The following SLC7A5 variants were observed in gnomAD, a reference collection of about 807,000 sequenced individuals.
The protein encoded by SLC7A5 is large neutral amino acids transporter small subunit 1.
SLC7A5 carries 23 observed loss-of-function variants against 50.2 expected under a neutral mutation model. That is an observed-to-expected ratio of 0.46 (90% CI 0.33 to 0.65). The LOEUF is 0.65. Ranked by LOEUF, SLC7A5 falls within the 30% of genes least tolerant of loss-of-function variation. SLC7A5 has a pLI of 0.02. For missense variants in SLC7A5, 578 were observed against 684.4 expected, an observed-to-expected ratio of 0.84 and a Z score of 1.73; for synonymous variants, 393 against 330.6, an observed-to-expected ratio of 1.19 and a Z score of -2.05.
At chr16:87,838,631 A>C in intron 6 of SLC7A5, 83 bp downstream of exon 6, 1 of 1,082,008 alleles carries the variant, frequency 9.2e-7, no homozygotes, top group South Asian at 1.2e-5. Context: ...CACAGAGACA[A>C]ACCTTTTACA....
At chr16:87,843,752 T>C (rs1189805473) in intron 2 of SLC7A5, among the ~76,000 whole-genome samples, 1 of 152,042 alleles carries the variant, frequency 6.6e-6, no homozygotes, top group Non-Finnish European at 1.5e-5. Context: ...CTGCTGGATG[T>C]CCTGCAATGC....
In SLC7A5 at chr16:87,849,516, G is replaced by A. The variant is rs188517204; in HGVS notation, c.664+2208C>T. Among the ~76,000 whole-genome samples the A allele has an allele frequency of 5.9e-5, 9 of 152,256 alleles. No homozygotes were observed. The South Asian group carries it at 8.3e-4, about 14-fold the overall frequency. ...CGAAATTTGTTTTTACAAAAATCACGTTCCCCTCCTAAATCTTTCCTGGCT... is the reference window on the plus strand; with the variant it reads ...CGAAATTTGTTTTTACAAAAATCACATTCCCCTCCTAAATCTTTCCTGGCT... On this transcript the variant is annotated intron_variant, in intron 2 of 9. Coordinates refer to ENST00000261622, the MANE Select transcript of SLC7A5 (RefSeq NM_003486.7).
chr16:87,838,432 C>T (rs755189181), intron 6 of SLC7A5, among the ~76,000 whole-genome samples: 2 of 152,020 alleles, frequency 1.3e-5, no homozygotes, highest in Non-Finnish European at 2.9e-5. Flanking sequence ...GCTGGGACTA[C>T]GGGCACGTGC....
At chr16:87,865,544 G>A (rs2055449391) in intron 1 of SLC7A5, among the ~76,000 whole-genome samples, 1 of 151,796 alleles carries the variant, frequency 6.6e-6, no homozygotes, top group Non-Finnish European at 1.5e-5. Flanking sequence ...CCCCGTCTCT[G>A]CTAAAAATAC....
rs1469230712 is a variant in SLC7A5, at chr16:87,860,620, C to A, written c.538+8265G>T. 6.6e-6 allele frequency among the ~76,000 whole-genome samples: 1 copy of A among 152,202 alleles called. No homozygotes were observed. Among genetic ancestry groups the A allele is most frequent in the African/African-American group, 2.4e-5 (1 of 41,434 alleles). The stretch of plus-strand genomic sequence containing the variant: ...CAGGGCCTCCAGGCCTTGGTCCTCA[C>A]ATTTGACTCCGGATAAATCTCTTCA... On this transcript the variant is annotated intron_variant, in intron 1 of 9. Coordinates refer to ENST00000261622, the MANE Select transcript of SLC7A5 (RefSeq NM_003486.7). The surrounding 1 kb of genome is among the most constrained non-coding windows in gnomAD (Gnocchi z 4.8).
intron 6 of SLC7A5, among the ~76,000 whole-genome samples, chr16:87,838,291 CTT>C (rs58144270): frequency 4.2e-4 from 51 of 120,062 alleles, no homozygotes; most frequent in Admixed American, 2.3e-3. Flanking sequence ...TTGCTGCTGC[CTT>C]TTTTTTTTTT....
At position 87,853,685 on chromosome 16, in the gene SLC7A5, C is replaced by G. The variant is rs764281073; in HGVS notation, c.539-1836G>C. 1.3e-5 allele frequency among the ~76,000 whole-genome samples: 2 copies of G among 152,150 alleles called. No individual in the cohort carries two copies. The highest frequency in any genetic ancestry group is 2.9e-5 in the Non-Finnish European group (2 of 68,026). On this transcript the variant is annotated intron_variant, in intron 1 of 9. Coordinates refer to ENST00000261622, the MANE Select transcript of SLC7A5 (RefSeq NM_003486.7). The surrounding 1 kb of genome is among the most constrained non-coding windows in gnomAD (Gnocchi z 4.4). ...GAGCACGACCATAAAAGAAACTGAGCCTCGGGGACCTAGCCGGCTTCTGGA... is the reference window on the plus strand; with the variant it reads ...GAGCACGACCATAAAAGAAACTGAGGCTCGGGGACCTAGCCGGCTTCTGGA...
At chr16:87,855,031 C>T (rs1326847071) in intron 1 of SLC7A5, among the ~76,000 whole-genome samples, 1 of 152,244 alleles carries the variant, frequency 6.6e-6, no homozygotes, top group East Asian at 1.9e-4. Context: ...AGCGCCAGGG[C>T]CTTGGCCAGG....
intron 2 of SLC7A5, among the ~76,000 whole-genome samples, chr16:87,846,127 C>A (rs1260122458): frequency 6.6e-6 from 1 of 152,216 alleles, no homozygotes; most frequent in African/African-American, 2.4e-5. Context: ...AACGCCGCAG[C>A]CCTGGCTCCA....
rs1211748113 is a variant in SLC7A5, at chr16:87,852,640, G to C, written c.539-791C>G. ...GTAAGGCACCCAGCTCTGAGCCTCT[G>C]TGTGTGTGTGTGTGTGTGTGTGTGT... On this transcript the variant is annotated intron_variant, in intron 1 of 9. Coordinates refer to ENST00000261622, the MANE Select transcript of SLC7A5 (RefSeq NM_003486.7). This position sits in a 1 kb window ranked among gnomAD's most constrained non-coding sequence, Gnocchi z 4.5. 1.4e-5 allele frequency among the ~76,000 whole-genome samples: 1 copy of C among 71,816 alleles called. No individual in the cohort carries two copies. The highest frequency in any genetic ancestry group is 2.6e-5 in the Non-Finnish European group (1 of 38,104). 47.1% of individuals were successfully genotyped at this position (71,816 alleles called of 152,430 possible).
At chr16:87,843,405 G>A (rs1261208439) in intron 2 of SLC7A5, among the ~76,000 whole-genome samples, 4 of 69,804 alleles carry the variant, frequency 5.7e-5, no homozygotes, top group Non-Finnish European at 7.3e-5. Flanking sequence ...GTTCCACCAC[G>A]CTTGGCTAAT....
Position 87,838,711 on chromosome 16 carries a change from C to A in SLC7A5, c.1043+3G>T. On this transcript the variant is annotated splice_donor_region_variant and intron_variant, in intron 6 of 9. Coordinates refer to ENST00000261622, the MANE Select transcript of SLC7A5 (RefSeq NM_003486.7). ...CACCTGTGGTGGGTCGGGCTGTGCT[C>A]ACCTGGAGGATGTGAACAGGGACCC... 1 of 1,611,810 alleles carries A rather than the reference C, an allele frequency of 6.2e-7. No individual in the cohort carries two copies.
chr16:87,869,456 G>A lies in SLC7A5; in HGVS notation c.-34C>T. 1.5e-6 allele frequency: 2 copies of A among 1,347,528 alleles called. No homozygotes were observed. Among genetic ancestry groups the A allele is most frequent in the Non-Finnish European group, 1.9e-6 (2 of 1,057,832 alleles). 83.5% of individuals were successfully genotyped at this position (1,347,528 alleles called of 1,614,324 possible). ...CACCGGCCGGGCCTGGGACACCCGG[G>A]AGCCGCGGCCCAGCGAGCAGTGTGC... is the stretch of plus-strand genomic sequence containing the variant. On this transcript the variant is annotated 5_prime_UTR_variant, in exon 1 of 10. Coordinates refer to ENST00000261622, the MANE Select transcript of SLC7A5 (RefSeq NM_003486.7).
At position 87,836,571 on chromosome 16, in the gene SLC7A5, A is replaced by T; in HGVS notation, c.1217T>A (p.Leu406His). 1.2e-6 allele frequency: 2 copies of T among 1,613,780 alleles called. No individual in the cohort carries two copies. The highest frequency in any genetic ancestry group is 1.3e-5 in the African/African-American group (1 of 75,068). Residue 406 changes from leucine (L) to histidine (H), a missense_variant, in exon 8 of 10, where the codon CTC (leucine) becomes CAC (histidine). By Grantham distance (99) the Leu-to-His change is moderately conservative. Around this residue, in one of 2 missense-constraint regions of SLC7A5, gnomAD observed 465 missense variants for 594.6 expected, o/e 0.78. Coordinates refer to ENST00000261622, the MANE Select transcript of SLC7A5 (RefSeq NM_003486.7). ...VINFFSFFNWLCVALAIIGMI... is the reference protein window; with the variant it reads ...VINFFSFFNWHCVALAIIGMI... Reference sequence around the variant, plus strand: ...GCCGATGATGGCCAGGGCCACGCAGAGCCAGTTGAAGAAGCTGAAGAAGTT... The same window carrying T: ...GCCGATGATGGCCAGGGCCACGCAGTGCCAGTTGAAGAAGCTGAAGAAGTT...
chr16:87,849,886 A>G (rs966549223), intron 2 of SLC7A5, among the ~76,000 whole-genome samples: 1 of 152,164 alleles, frequency 6.6e-6, no homozygotes, highest in African/African-American at 2.4e-5. Flanking sequence ...TGACCTGGGC[A>G]ACCTTCCAGA....
intron 6 of SLC7A5, among the ~76,000 whole-genome samples, chr16:87,838,399 C>T (rs559782556): frequency 1.3e-5 from 2 of 151,176 alleles, no homozygotes; most frequent in South Asian, 4.2e-4. Context: ...TCAAGCAATC[C>T]TTCGACCTCA....
intron 3 of SLC7A5, 122 bp from the exon 4 acceptor site, chr16:87,840,595 G>T (rs777594855): frequency 1.1e-5 from 9 of 839,268 alleles, no homozygotes; most frequent in Non-Finnish European, 1.8e-5. Context: ...CGCTGGGCTG[G>T]AAAGCGGACC....
chr16:87,840,585 C>T (rs553036424), intron 3 of SLC7A5, 112 bp from the exon 4 acceptor site: 22 of 913,668 alleles, frequency 2.4e-5, no homozygotes, highest in African/African-American at 2.0e-4. Context: ...GTGGTCTGCT[C>T]GCTGGGCTGG....
intron 1 of SLC7A5, among the ~76,000 whole-genome samples, chr16:87,867,978 G>C (rs573587539): frequency 2.0e-5 from 3 of 151,912 alleles, no homozygotes; most frequent in Admixed American, 6.6e-5. Flanking sequence ...TTACCCGGGC[G>C]TAGTGGCGGG....
Sources: gnomAD v4.1 joint callset for allele counts (sites outside exome capture counted in the v4.1 genomes callset) on GRCh38, gnomAD v4.1.1 for gene constraint, gnomAD v4.1.1 regional missense constraint, Gnocchi (gnomAD v3.1) non-coding constraint, MANE v1.5 for transcripts, NCBI Gene and HGNC (gene_info 2026-07-23, HGNC 2026-07-21) for gene names.